RALGAPA1: variants seen among roughly 807,000 people sequenced by gnomAD.
RALGAPA1 encodes the protein Ral GTPase activating protein catalytic subunit alpha 1.
In RALGAPA1, 52 loss-of-function variants were observed where a neutral mutation model predicts 269.6. That is an observed-to-expected ratio of 0.19 (90% confidence interval 0.15 to 0.24). RALGAPA1 has a LOEUF of 0.24. RALGAPA1 is among the 10% of genes least tolerant of loss of function. RALGAPA1 has a pLI of 1.00. For synonymous variants in RALGAPA1, 817 were observed against 1,008.3 expected (o/e 0.81, Z 3.60); for missense variants, 1,917 against 3,013.9 (o/e 0.64, Z 8.52).
chr14:35,623,529 T>C (rs190159876), intron 35 of RALGAPA1, among the ~76,000 whole-genome samples: 29 of 152,252 alleles, frequency 1.9e-4, no homozygotes, highest in African/African-American at 7.0e-4. Context: ...GGTACCATGA[T>C]CTGCTTCTCA....
rs542086680 is a variant in RALGAPA1 at position 35,776,183 on chromosome 14, C to T, written c.107-438G>A. Among the ~76,000 whole-genome samples the T allele has an allele frequency of 3.9e-5, 6 of 152,150 alleles. No homozygotes were observed. The South Asian group carries it at 8.3e-4, about 21-fold the overall frequency. ...GATACCTGAGGTCAGGAGTTCGAAACCAGCCTGGCCAACACAGTGAAACCT... is the reference window on the plus strand; with the variant it reads ...GATACCTGAGGTCAGGAGTTCGAAATCAGCCTGGCCAACACAGTGAAACCT... On this transcript the variant is annotated intron_variant, in intron 1 of 41. Transcript: ENST00000680220.
intron 38 of RALGAPA1, among the ~76,000 whole-genome samples, chr14:35,571,992 C>T (rs967675283): frequency 2.0e-5 from 3 of 152,144 alleles, no homozygotes; most frequent in Non-Finnish European, 4.4e-5. Flanking sequence ...GGAAGGAACA[C>T]ACCAAAAATA....
intron 39 of RALGAPA1, among the ~76,000 whole-genome samples, chr14:35,550,666 T>G (rs187544516): frequency 2.7e-3 from 409 of 152,320 alleles, no homozygotes; most frequent in Non-Finnish European, 4.2e-3. Context: ...TGACTTTGAT[T>G]GTGGTAACTT....
At chr14:35,651,952 G>A in intron 30 of RALGAPA1, 79 bp from the exon 31 acceptor site, 1 of 1,209,254 alleles carries the variant, frequency 8.3e-7, no homozygotes. Context: ...ATTGTTAAAT[G>A]CTGAAGTGAT....
chr14:35,789,129 T>C (rs1041001532), intron 1 of RALGAPA1, among the ~76,000 whole-genome samples: 2 of 152,270 alleles, frequency 1.3e-5, no homozygotes, highest in South Asian at 2.1e-4. Flanking sequence ...ACCTACATGA[T>C]AGGGAAGACT....
In RALGAPA1 at chr14:35,595,779, G is replaced by C. The variant is rs2058893645; in HGVS notation, c.7064C>G (p.Thr2355Arg). The change falls in exon 37 of 42, where the codon ACA becomes AGA. Residue 2355 changes from threonine to arginine, a missense_variant. Thr to Arg is a moderately conservative substitution (Grantham distance 71, BLOSUM62 -1). Transcript: ENST00000680220. The stretch of plus-strand genomic sequence containing the variant: ...TCCTCCCATAAAACCACAATGGTTT[G>C]TAAGATTTACCTAGAAGTAATGAAG... ...VAGLGWEVNLTNHCGFMGGLQ... is the reference protein window; with the variant it reads ...VAGLGWEVNLRNHCGFMGGLQ... 6.2e-7 allele frequency: 1 copy of C among 1,611,320 alleles called. No homozygotes were observed. Among genetic ancestry groups the C allele is most frequent in the Non-Finnish European group, 8.5e-7 (1 of 1,178,348 alleles).
At chr14:35,801,457 A>G (rs2076974829) in intron 1 of RALGAPA1, among the ~76,000 whole-genome samples, 1 of 152,092 alleles carries the variant, frequency 6.6e-6, no homozygotes, top group African/African-American at 2.4e-5. Flanking sequence ...TAGTTCACAC[A>G]GGGTTTCAGT....
chr14:35,697,707 T>C (rs1794764470), intron 17 of RALGAPA1, among the ~76,000 whole-genome samples: 1 of 151,928 alleles, frequency 6.6e-6, no homozygotes, highest in Non-Finnish European at 1.5e-5. Flanking sequence ...TGATTTGCAC[T>C]ATGAATCTTT....
Position 35,627,795 on chromosome 14 carries a change from G to A in RALGAPA1, c.6152C>T (p.Thr2051Ile). The part of the protein sequence containing the change: ...ENHDNHYSES[T>I]ELSPELFESP... Reference sequence around the variant, plus strand: ...CTCAAAGAGTTCAGGAGAAAGTTCAGTACTTTCACTGTAATGATTGTCGTG... The same window carrying A: ...CTCAAAGAGTTCAGGAGAAAGTTCAATACTTTCACTGTAATGATTGTCGTG... The change falls in exon 34 of 42, where the codon ACT becomes ATT. Residue 2051 changes from threonine (T) to isoleucine (I), a missense_variant. This residue lies in a region of RALGAPA1 where 346 missense variants were observed against 566.1 expected (regional missense o/e 0.61). Transcript: ENST00000680220. The A allele has an allele frequency of 1.9e-6, 3 of 1,592,030 alleles. No homozygotes were observed. The highest frequency in any genetic ancestry group is 2.6e-6 in the Non-Finnish European group (3 of 1,164,932).
chr14:35,556,940 C>G (rs1487126529), intron 39 of RALGAPA1, among the ~76,000 whole-genome samples: 1 of 152,022 alleles, frequency 6.6e-6, no homozygotes, highest in Non-Finnish European at 1.5e-5. Context: ...AAGCCCAATT[C>G]CACCAAAGTT....
intron 10 of RALGAPA1, among the ~76,000 whole-genome samples, chr14:35,746,285 T>A (rs894865550): frequency 6.6e-6 from 1 of 152,152 alleles, no homozygotes; most frequent in Non-Finnish European, 1.5e-5. Flanking sequence ...CTGATCAAAA[T>A]GTACAAAGGT....
intron 17 of RALGAPA1, among the ~76,000 whole-genome samples, chr14:35,694,936 T>C (rs1017475558): frequency 3.3e-5 from 5 of 151,912 alleles, no homozygotes; most frequent in African/African-American, 1.2e-4. Context: ...AAAAATTAGC[T>C]AGGCATGGTG....
intron 36 of RALGAPA1, among the ~76,000 whole-genome samples, chr14:35,602,581 T>C (rs1471208225): frequency 2.6e-5 from 4 of 152,204 alleles, no homozygotes; most frequent in African/African-American, 9.7e-5. Flanking sequence ...TTGAGCACCT[T>C]TTCATGTGCT....
intron 14 of RALGAPA1, chr14:35,723,594 G>A (rs1447528668): frequency 1.9e-5 from 3 of 161,320 alleles, no homozygotes; most frequent in Non-Finnish European, 4.0e-5. Context: ...TGAAAATGTT[G>A]AGTTACTGAA....
intron 1 of RALGAPA1, among the ~76,000 whole-genome samples, chr14:35,797,793 C>G (rs534232339): frequency 3.3e-4 from 50 of 149,642 alleles, no homozygotes; most frequent in African/African-American, 1.2e-3. Flanking sequence ...TGCAGTGAGC[C>G]GAGATCCTAC....
At chr14:35,645,687 G>A (rs1354853902) in intron 31 of RALGAPA1, among the ~76,000 whole-genome samples, 19 of 148,592 alleles carry the variant, frequency 1.3e-4, no homozygotes, top group East Asian at 4.0e-4. Context: ...CCGAGATCGC[G>A]CCGGGGCACT....
intron 1 of RALGAPA1, among the ~76,000 whole-genome samples, chr14:35,795,934 T>C (rs1258374552): frequency 6.6e-6 from 1 of 151,730 alleles, no homozygotes; most frequent in Non-Finnish European, 1.5e-5. Context: ...ACTGAGACCC[T>C]GCCCCCAAAA....
intron 10 of RALGAPA1, 97 bp from the exon 11 acceptor site, chr14:35,742,662 G>A (rs2071672373): frequency 3.5e-6 from 3 of 850,056 alleles, no homozygotes; most frequent in Non-Finnish European, 5.8e-6. Context: ...TAGATTCTTG[G>A]AAACTGCAAC....
At chr14:35,772,304 C>T (rs780291213) in intron 3 of RALGAPA1, among the ~76,000 whole-genome samples, 1 of 152,186 alleles carries the variant, frequency 6.6e-6, no homozygotes. Context: ...AATCCTCCTG[C>T]CTTGGCCTTC....
Sources: gnomAD v4.1 joint callset for allele counts (sites outside exome capture counted in the v4.1 genomes callset) on GRCh38, gnomAD v4.1.1 for gene constraint, gnomAD v4.1.1 regional missense constraint, MANE v1.5 for transcripts, NCBI Gene and HGNC (gene_info 2026-07-23, HGNC 2026-07-21) for gene names.